ZBTB8A: variants seen among roughly 807,000 people sequenced by gnomAD.
ZBTB8A encodes the protein zinc finger and BTB domain containing 8A.
Under a neutral mutation model 37.8 loss-of-function variants are expected in ZBTB8A, and 19 were observed. The ratio of observed to expected loss-of-function variants is 0.50; its 90% CI spans 0.35 to 0.74. ZBTB8A has a LOEUF of 0.74. Ranked by LOEUF, ZBTB8A falls within the 30% of genes least tolerant of loss-of-function variation. The probability of loss-of-function intolerance (pLI) is 0.01; values close to 1 mark genes in which losing one functional copy is unlikely to be tolerated. For missense variants in ZBTB8A, 394 were observed against 537.8 expected, an observed-to-expected ratio of 0.73 and a Z score of 2.65; for synonymous variants, 181 against 185.2, an observed-to-expected ratio of 0.98 and a Z score of 0.19.
At chr1:32,548,557 C>G (rs1322281001) in intron 1 of ZBTB8A, among the ~76,000 whole-genome samples, 1 of 152,142 alleles carries the variant, frequency 6.6e-6, no homozygotes. Flanking sequence ...TGGTCTTGAA[C>G]TCCTGACCTC....
chr1:32,583,584 A>G (rs1004594120), intron 2 of ZBTB8A, among the ~76,000 whole-genome samples: 4 of 152,104 alleles, frequency 2.6e-5, no homozygotes, highest in African/African-American at 9.7e-5. Context: ...TTCCCCCAAA[A>G]TGATATGATT....
chr1:32,598,928 G>GC (rs914601533), intron 4 of ZBTB8A, among the ~76,000 whole-genome samples: 1 of 152,010 alleles, frequency 6.6e-6, no homozygotes, highest in Non-Finnish European at 1.5e-5. Context: ...TCTGGGTGGT[G>GC]CCCATATCTT....
At chr1:32,585,253 A>G (rs1290079907) in intron 2 of ZBTB8A, among the ~76,000 whole-genome samples, 1 of 151,760 alleles carries the variant, frequency 6.6e-6, no homozygotes, top group African/African-American at 2.4e-5. Flanking sequence ...GGCTCAAGCG[A>G]TTCTCCCAAC....
intron 1 of ZBTB8A, among the ~76,000 whole-genome samples, chr1:32,546,724 T>C (rs1327311176): frequency 6.6e-6 from 1 of 152,212 alleles, no homozygotes; most frequent in African/African-American, 2.4e-5. Context: ...TTCTTTCGGC[T>C]GTTTTTCTGA....
intron 2 of ZBTB8A, among the ~76,000 whole-genome samples, chr1:32,579,851 T>C (rs1009383433): frequency 4.6e-5 from 7 of 152,180 alleles, no homozygotes; most frequent in African/African-American, 7.2e-5. Flanking sequence ...TACTCCAACA[T>C]GTGAAAAGAA....
intron 2 of ZBTB8A, among the ~76,000 whole-genome samples, chr1:32,555,526 G>C (rs947562629): frequency 6.6e-6 from 1 of 152,038 alleles, no homozygotes; most frequent in African/African-American, 2.4e-5. Flanking sequence ...CTCCACCCTT[G>C]GCTAATGTGT....
intron 2 of ZBTB8A, among the ~76,000 whole-genome samples, chr1:32,588,488 G>A (rs1342900090): frequency 6.6e-6 from 1 of 151,946 alleles, no homozygotes; most frequent in Non-Finnish European, 1.5e-5. Context: ...TCCAAAATTT[G>A]GAGATTAGGA....
At chr1:32,543,499 TCATCATTTG>T (rs1229057393) in intron 1 of ZBTB8A, among the ~76,000 whole-genome samples, 4 of 152,158 alleles carry the variant, frequency 2.6e-5, no homozygotes, top group African/African-American at 9.7e-5. Context: ...CAGAACATTT[TCATCATTTG>T]CATAAAGAAA....
intron 2 of ZBTB8A, among the ~76,000 whole-genome samples, chr1:32,557,835 C>G (rs1644214882): frequency 1.3e-5 from 2 of 152,112 alleles, no homozygotes; most frequent in African/African-American, 4.8e-5. Flanking sequence ...ATTTCTAAAT[C>G]TTTATCTCCA....
intron 2 of ZBTB8A, among the ~76,000 whole-genome samples, chr1:32,588,606 G>A (rs1265129115): frequency 6.6e-6 from 1 of 151,996 alleles, no homozygotes; most frequent in Non-Finnish European, 1.5e-5. Context: ...GTTTTAGGAT[G>A]AAGACAATGA....
At chr1:32,590,294 A>G (rs1337724775) in intron 2 of ZBTB8A, among the ~76,000 whole-genome samples, 1 of 152,062 alleles carries the variant, frequency 6.6e-6, no homozygotes, top group African/African-American at 2.4e-5. Context: ...TCTGGTCTCC[A>G]GAATCTCACA....
At chr1:32,567,600 C>G (rs1443827818) in intron 2 of ZBTB8A, among the ~76,000 whole-genome samples, 1 of 150,404 alleles carries the variant, frequency 6.6e-6, no homozygotes, top group Non-Finnish European at 1.5e-5. Context: ...CGAGACCATC[C>G]TGGCTAACAC....
intron 1 of ZBTB8A, among the ~76,000 whole-genome samples, chr1:32,540,700 C>T (rs139402503): frequency 1.1e-3 from 166 of 152,312 alleles, no homozygotes; most frequent in Admixed American, 6.3e-3. Flanking sequence ...CCAAAATCCT[C>T]AACAAGCTTC....
chr1:32,569,124 G>A (rs964846781), intron 2 of ZBTB8A, among the ~76,000 whole-genome samples: 2 of 152,046 alleles, frequency 1.3e-5, no homozygotes, highest in Non-Finnish European at 2.9e-5. Flanking sequence ...CCAACATTTG[G>A]TATTGTCAGT....
intron 2 of ZBTB8A, among the ~76,000 whole-genome samples, chr1:32,576,721 G>A (rs1479407854): frequency 4.0e-5 from 6 of 151,828 alleles, no homozygotes; most frequent in African/African-American, 1.5e-4. Context: ...GAGCCACCAC[G>A]CCCAGCCTAA....
intron 2 of ZBTB8A, among the ~76,000 whole-genome samples, chr1:32,580,210 T>C (rs540140716): frequency 6.6e-4 from 100 of 152,044 alleles, no homozygotes; most frequent in South Asian, 1.7e-3. Context: ...TAGCTTGGGC[T>C]ACAAAGTGAG....
chr1:32,577,657 T>C (rs960576485), intron 2 of ZBTB8A, among the ~76,000 whole-genome samples: 1 of 142,542 alleles, frequency 7.0e-6, no homozygotes, highest in African/African-American at 2.6e-5. Context: ...TCTCAGCTCA[T>C]TGTAGCCTCC....
chr1:32,578,302 C>T (rs1644378844), intron 2 of ZBTB8A, among the ~76,000 whole-genome samples: 1 of 150,300 alleles, frequency 6.7e-6, no homozygotes, highest in African/African-American at 2.5e-5. Context: ...GTCTCAAACT[C>T]CTGACCTCAG....
intron 1 of ZBTB8A, among the ~76,000 whole-genome samples, chr1:32,548,614 G>A (rs1281510524): frequency 2.6e-5 from 4 of 152,142 alleles, no homozygotes; most frequent in African/African-American, 7.2e-5. Flanking sequence ...GATTACAGGC[G>A]TGAGCCTCCT....
Sources: gnomAD v4.1 joint callset for allele counts (sites outside exome capture counted in the v4.1 genomes callset) on GRCh38, gnomAD v4.1.1 for gene constraint, MANE v1.5 for transcripts, NCBI Gene and HGNC (gene_info 2026-07-23, HGNC 2026-07-21) for gene names.